FAT1: variants seen among roughly 807,000 people sequenced by gnomAD.
The protein encoded by FAT1 is FAT atypical cadherin 1.
FAT1 carries 171 observed loss-of-function variants against 329.8 expected under a neutral mutation model. The observed-to-expected ratio is 0.52, with a 90% CI of 0.46 to 0.59. The LOEUF is 0.59. FAT1 is among the 20% of genes least tolerant of loss of function. The pLI is 0.00. For missense variants in FAT1, 5,672 were observed against 5,774.4 expected, an observed-to-expected ratio of 0.98 and a Z score of 0.57; for synonymous variants, 2,233 against 2,228.6, an observed-to-expected ratio of 1.00 and a Z score of -0.06.
chr4:186,631,386 C>G (rs1236100886), intron 7 of FAT1, among the ~76,000 whole-genome samples: 2 of 151,240 alleles, frequency 1.3e-5, no homozygotes, highest in Non-Finnish European at 2.9e-5. Context: ...TAGTGTCTCA[C>G]TGCCCAGCTG....
At chr4:186,679,365 T>C (rs926955090) in intron 2 of FAT1, among the ~76,000 whole-genome samples, 30 of 134,978 alleles carry the variant, frequency 2.2e-4, no homozygotes, top group East Asian at 4.3e-4. Context: ...TGCAGTGAGC[T>C]GAGATCGCAC....
In FAT1 at chr4:186,618,986, C is replaced by A. The variant is rs759889839; in HGVS notation, c.7600G>T (p.Asp2534Tyr). 2 of 1,614,022 alleles carry A rather than the reference C, an allele frequency of 1.2e-6. No homozygotes were observed. Among genetic ancestry groups the A allele is most frequent in the South Asian group, 2.2e-5 (2 of 91,080 alleles). Residue 2534 changes from aspartate to tyrosine, a missense_variant, in exon 10 of 27, where the codon GAC (aspartate) becomes TAC (tyrosine). By Grantham distance (160) the Asp-to-Tyr change is radical. This residue lies in a region of FAT1 where 3,966 missense variants were observed against 3,915.2 expected (regional missense o/e 1.01). Coordinates refer to ENST00000441802, the MANE Select transcript of FAT1 (RefSeq NM_005245.4). ...YGHVTYHIVNDFAKDRFYINE... is the reference protein window; with the variant it reads ...YGHVTYHIVNYFAKDRFYINE... Reference sequence around the variant, plus strand: ...ATGTAAAATCTGTCTTTGGCAAAGTCATTTACAATATGGTAAGTAACGTGA... The same window carrying A: ...ATGTAAAATCTGTCTTTGGCAAAGTAATTTACAATATGGTAAGTAACGTGA...
intron 2 of FAT1, among the ~76,000 whole-genome samples, chr4:186,686,865 GAGA>G (rs1055305374): frequency 7.9e-5 from 12 of 152,272 alleles, no homozygotes; most frequent in African/African-American, 2.6e-4. Context: ...GGAAGGAAAA[GAGA>G]ACTTATATTC....
At chr4:186,630,255 C>T (rs1740524448) in intron 7 of FAT1, among the ~76,000 whole-genome samples, 1 of 152,102 alleles carries the variant, frequency 6.6e-6, no homozygotes, top group Non-Finnish European at 1.5e-5. Context: ...ATTCAGAAAG[C>T]TCTTAAGGAG....
chr4:186,631,028 A>G (rs1740558811), intron 7 of FAT1, among the ~76,000 whole-genome samples: 1 of 152,188 alleles, frequency 6.6e-6, no homozygotes, highest in Non-Finnish European at 1.5e-5. Flanking sequence ...TCCGCAGGGC[A>G]CTGGCAGTTC....
Position 186,636,461 on chromosome 4 carries a change from G to C in FAT1, c.3972+124C>G. ...AACGTTATCCGGCATTGCCTAATGG[G>C]GCCAGCAGGTCACAAACACTTCAGC... is the stretch of plus-strand genomic sequence containing the variant. On this transcript the variant is annotated intron_variant, in intron 5 of 26. Transcript: ENST00000441802. 2.8e-6 allele frequency: 3 copies of C among 1,064,582 alleles called. No individual in the cohort carries two copies. The South Asian group carries it at 4.7e-5, about 17-fold the overall frequency. 65.9% of individuals were successfully genotyped at this position (1,064,582 alleles called of 1,614,324 possible).
chr4:186,663,395 C>G lies in FAT1; in HGVS notation c.3484G>C (p.Glu1162Gln), dbSNP rs753470701. Residue 1162 changes from glutamate to glutamine, a missense_variant, in exon 3 of 27, where the codon GAG becomes CAG. Glu to Gln is a conservative substitution (Grantham distance 29, BLOSUM62 2). This residue lies in a region of FAT1 where 3,966 missense variants were observed against 3,915.2 expected (regional missense o/e 1.01). Transcript: ENST00000441802. The part of the protein sequence containing the change: ...SPKDVSVVQI[E>Q]AFDPDSSSND... Reference sequence around the variant, plus strand: ...GAGCTCGAATCTGGATCAAATGCCTCGATCTGGACCACAGATACATCTTTA... The same window carrying G: ...GAGCTCGAATCTGGATCAAATGCCTGGATCTGGACCACAGATACATCTTTA... 3 of 1,614,006 alleles carry G rather than the reference C, an allele frequency of 1.9e-6. No homozygotes were observed. In the African/African-American group the frequency reaches 4.0e-5, roughly 22 times the overall value.
rs1739827710 is a variant in FAT1 at position 186,618,336 on chromosome 4, G to C, written c.8250C>G (p.Ser2750=). ...TCCCGCTCTGTCTGTCAATCACAAA[G>C]GACTCATCCCTATTGCTTTCTGGAG... ...GNTPESNRDE[S]FVIDRQSGRL... The change falls in exon 10 of 27, where the codon TCC becomes TCG. Residue 2750 remains serine (S), a synonymous_variant. Coordinates refer to ENST00000441802, the MANE Select transcript of FAT1 (RefSeq NM_005245.4). 1.2e-6 allele frequency: 2 copies of C among 1,613,978 alleles called. No homozygotes were observed. Among genetic ancestry groups the C allele is most frequent in the South Asian group, 1.1e-5 (1 of 91,082 alleles).
chr4:186,630,617 C>T (rs1389594308), intron 7 of FAT1, among the ~76,000 whole-genome samples: 6 of 152,118 alleles, frequency 3.9e-5, no homozygotes, highest in South Asian at 2.1e-4. Context: ...TGGCTTTCTG[C>T]GTGCTTACTG....
At chr4:186,706,390 G>A (rs987143576) in intron 2 of FAT1, among the ~76,000 whole-genome samples, 173 bp downstream of exon 2, 1 of 150,954 alleles carries the variant, frequency 6.6e-6, no homozygotes, top group African/African-American at 2.4e-5. Flanking sequence ...GGCTTACTAC[G>A]AATAAACACA....
At chr4:186,613,028 C>T in intron 13 of FAT1, 81 bp downstream of exon 13, 1 of 887,414 alleles carries the variant, frequency 1.1e-6, no homozygotes, top group South Asian at 1.5e-5. Context: ...GTGGCACAGG[C>T]TGAATCTGGG....
rs373756658 is a variant in FAT1 at position 186,609,195 on chromosome 4, G to C, written c.10194C>G (p.Leu3398=). ...VRGEVKVTKL[L]DRETISGYTL... is the part of the protein sequence containing the mutation. ...CTTTTTCACTTACCGTTTCTCGGTC[G>C]AGAAGTTTGGTCACTTTGACTTCTC... The change falls in exon 16 of 27, where the codon CTC becomes CTG. Residue 3398 remains leucine, a synonymous_variant. Coordinates refer to ENST00000441802, the MANE Select transcript of FAT1 (RefSeq NM_005245.4). 6.2e-7 allele frequency: 1 copy of C among 1,612,286 alleles called. No individual in the cohort carries two copies. Among genetic ancestry groups the C allele is most frequent in the Admixed American group, 1.7e-5 (1 of 59,472 alleles).
chr4:186,648,058 G>T (rs149153971), intron 3 of FAT1, among the ~76,000 whole-genome samples: 64 of 152,292 alleles, frequency 4.2e-4, no homozygotes, highest in African/African-American at 1.5e-3. Flanking sequence ...GATGAGACAT[G>T]CATATGTGTG....
intron 10 of FAT1, 53 bp from the exon 11 acceptor site, chr4:186,617,254 T>C: frequency 8.0e-7 from 1 of 1,257,426 alleles, no homozygotes; most frequent in Non-Finnish European, 1.1e-6. Context: ...AGGATAAAAA[T>C]AAGTAACAGA....
chr4:186,667,241 T>C (rs900783042), intron 2 of FAT1, among the ~76,000 whole-genome samples: 2 of 152,200 alleles, frequency 1.3e-5, no homozygotes, highest in Admixed American at 1.3e-4. Flanking sequence ...AATTCTGAGA[T>C]GGCATCTGCT....
At chr4:186,675,904 A>G (rs1742935872) in intron 2 of FAT1, among the ~76,000 whole-genome samples, 1 of 152,116 alleles carries the variant, frequency 6.6e-6, no homozygotes, top group South Asian at 2.1e-4. Flanking sequence ...TTAATCTGGA[A>G]CCTGGCTTTA....
At chr4:186,672,963 G>A (rs1742800974) in intron 2 of FAT1, among the ~76,000 whole-genome samples, 1 of 151,938 alleles carries the variant, frequency 6.6e-6, no homozygotes. Flanking sequence ...GTATCGGGAG[G>A]GAAAAGGAAT....
Position 186,708,019 on chromosome 4 carries a change from C to T in FAT1, c.1809G>A (p.Gln603=), listed in dbSNP as rs1490296995. 6.2e-7 allele frequency: 1 copy of T among 1,613,788 alleles called. No homozygotes were observed. Among genetic ancestry groups the T allele is most frequent in the African/African-American group, 1.3e-5 (1 of 74,912 alleles). Residue 603 remains glutamine, a synonymous_variant, in exon 2 of 27, where the codon CAG becomes CAA. Coordinates refer to ENST00000441802, the MANE Select transcript of FAT1 (RefSeq NM_005245.4). ...GTTCATTTCCAGCTTCAATCTGATA[C>T]TGTACCAACTGAAGTTCATCTGCAT... ...AIDADELQLV[Q]YQIEAGNELD...
At chr4:186,604,985 G>T (rs565752156) in intron 17 of FAT1, among the ~76,000 whole-genome samples, 1 of 152,068 alleles carries the variant, frequency 6.6e-6, no homozygotes, top group East Asian at 2.0e-4. Flanking sequence ...TTGGGAGGCT[G>T]AGGCGGGCGG....
Sources: gnomAD v4.1 joint callset for allele counts (sites outside exome capture counted in the v4.1 genomes callset) on GRCh38, gnomAD v4.1.1 for gene constraint, gnomAD v4.1.1 regional missense constraint, MANE v1.5 for transcripts, NCBI Gene and HGNC (gene_info 2026-07-23, HGNC 2026-07-21) for gene names.